VWA7: variants seen among roughly 807,000 people sequenced by gnomAD.
The protein encoded by VWA7 is von Willebrand factor A domain-containing protein 7.
In VWA7, 66 loss-of-function variants were observed where a neutral mutation model predicts 83.1. The ratio of observed to expected loss-of-function variants is 0.79; its 90% CI spans 0.65 to 0.98. The LOEUF (loss-of-function observed/expected upper bound fraction) is 0.98, where lower values mean the gene tolerates loss of function less well. Among genes scored for constraint, VWA7 ranks in the 50% least tolerant of loss-of-function variants. VWA7 has a pLI of 0.00. For missense variants in VWA7, 1,080 were observed against 1,160.2 expected, an observed-to-expected ratio of 0.93 and a Z score of 1.00; for synonymous variants, 424 against 488.5, an observed-to-expected ratio of 0.87 and a Z score of 1.74.
chr6:31,772,472 C>A (rs1812268041), intron 7 of VWA7, among the ~76,000 whole-genome samples: 1 of 151,614 alleles, frequency 6.6e-6, no homozygotes, highest in Non-Finnish European at 1.5e-5. Flanking sequence ...TTTCTGTATG[C>A]ACACAGTAGA....
intron 7 of VWA7, among the ~76,000 whole-genome samples, chr6:31,772,491 C>G (rs967892609): frequency 4.0e-5 from 6 of 150,236 alleles, no homozygotes. Flanking sequence ...GAGGCTCACT[C>G]GGGACTACAG....
chr6:31,774,755 G>T, intron 4 of VWA7, 129 bp from the exon 5 acceptor site: 2 of 712,476 alleles, frequency 2.8e-6, no homozygotes, highest in Non-Finnish European at 4.5e-6. Context: ...CCCTAGCAAA[G>T]CTTTCTGAAC....
chr6:31,766,560 C>T lies in VWA7; in HGVS notation c.2087G>A (p.Arg696Lys), dbSNP rs1430359880. The change falls in exon 14 of 17, where the codon AGA becomes AAA. Residue 696 changes from arginine (R) to lysine (K), a missense_variant. Arg to Lys is a conservative substitution (Grantham distance 26, BLOSUM62 2). Coordinates refer to ENST00000375688, the MANE Select transcript of VWA7 (RefSeq NM_025258.3). The surrounding 1 kb of genome is among the most constrained non-coding windows in gnomAD (Gnocchi z 4.9). ...GCCAATCAGCTCCAGGGAGAAGGGTCTAGGGGTGGACAGCAGCGTGGGCGA... is the reference window on the plus strand; with the variant it reads ...GCCAATCAGCTCCAGGGAGAAGGGTTTAGGGGTGGACAGCAGCGTGGGCGA... ...SLSPTLLSTP[R>K]PFSLELIGQD... 6.2e-7 allele frequency: 1 copy of T among 1,612,902 alleles called. No individual in the cohort carries two copies. Among genetic ancestry groups the T allele is most frequent in the Admixed American group, 1.7e-5 (1 of 60,006 alleles).
chr6:31,765,643 C>G lies in VWA7; in HGVS notation c.2627G>C (p.Trp876Ser). The G allele has an allele frequency of 6.2e-7, 1 of 1,610,158 alleles. No individual in the cohort carries two copies. Reference protein sequence around the residue: ...GAGLAAGSPWWGTVGGVLLLL... With the variant: ...GAGLAAGSPWSGTVGGVLLLL... ...AAGCAGCACCCCTCCAACTGTGCCCCACCAGGGGCTGCCCGCAGCCAGCCC... is the reference window on the plus strand; with the variant it reads ...AAGCAGCACCCCTCCAACTGTGCCCGACCAGGGGCTGCCCGCAGCCAGCCC... Residue 876 changes from tryptophan (W) to serine (S), a missense_variant, in exon 17 of 17, where the codon TGG becomes TCG. Physicochemically the swap from Trp to Ser is radical, Grantham distance 177. Coordinates refer to ENST00000375688, the MANE Select transcript of VWA7 (RefSeq NM_025258.3).
chr6:31,769,768 T>C lies in VWA7; in HGVS notation c.1224A>G (p.Pro408=). Residue 408 remains proline (P), a synonymous_variant, in exon 9 of 17, where the codon CCA becomes CCG. Transcript: ENST00000375688. This position sits in a 1 kb window ranked among gnomAD's most constrained non-coding sequence, Gnocchi z 4.5. ...ALQLALLHTP[P]LSDIFVFTDA... ...CCGTGAAGACAAAGATATCTGAGAGTGGAGGTGTGTGCAGCAGGGCCAGCT... is the reference window on the plus strand; with the variant it reads ...CCGTGAAGACAAAGATATCTGAGAGCGGAGGTGTGTGCAGCAGGGCCAGCT... 1 of 1,612,568 alleles carries C rather than the reference T, an allele frequency of 6.2e-7. No individual in the cohort carries two copies. Among genetic ancestry groups the C allele is most frequent in the Non-Finnish European group, 8.5e-7 (1 of 1,179,920 alleles).
chr6:31,769,180 A>G lies in VWA7; in HGVS notation c.1341T>C (p.Asp447=). 6.2e-7 allele frequency: 1 copy of G among 1,612,502 alleles called. No homozygotes were observed. Among genetic ancestry groups the G allele is most frequent in the Non-Finnish European group, 8.5e-7 (1 of 1,179,676 alleles). ...GAGCTCGACCCTGAACCCTTGATGT[A>G]TCTTCAGTCACCAGGAATGTTACCT... ...RCRVTFLVTE[D]TSRVQGRARR... is the part of the protein sequence containing the mutation. Residue 447 remains aspartate, a synonymous_variant, in exon 10 of 17, where the codon GAT becomes GAC. Transcript: ENST00000375688. The surrounding 1 kb of genome is among the most constrained non-coding windows in gnomAD (Gnocchi z 4.5).
chr6:31,772,331 T>G (rs1198476862), intron 7 of VWA7, among the ~76,000 whole-genome samples: 1 of 151,870 alleles, frequency 6.6e-6, no homozygotes, highest in Non-Finnish European at 1.5e-5. Context: ...TTAATTTTTT[T>G]GTAGAGACCT....
chr6:31,767,426 A>AG lies in VWA7; in HGVS notation c.1724dup (p.Pro576SerfsTer13). Reference sequence around the variant, plus strand: ...GGATCTCCCAGGTTCCTGTCTGTGGAGGGTCATCCATGGTCACCATCCAGA... The same window carrying AG: ...GGATCTCCCAGGTTCCTGTCTGTGGAGGGGTCATCCATGGTCACCATCCAGA... On this transcript the variant is annotated frameshift_variant, in exon 12 of 17. Transcript: ENST00000375688. LOFTEE classifies it high-confidence loss of function. 1 of 1,612,990 alleles carries AG rather than the reference A, an allele frequency of 6.2e-7. No individual in the cohort carries two copies. The highest frequency in any genetic ancestry group is 8.5e-7 in the Non-Finnish European group (1 of 1,179,940).
Position 31,766,072 on chromosome 6 carries a change from T to C in VWA7, c.2325-15A>G, listed in dbSNP as rs761408225. On this transcript the variant is annotated splice_polypyrimidine_tract_variant and intron_variant, in intron 15 of 16. Transcript: ENST00000375688. This position sits in a 1 kb window ranked among gnomAD's most constrained non-coding sequence, Gnocchi z 4.9. ...CCAGGTGAGCCCTGGAGAGAGGATATAGGCGTCGCTAAAGCTCCAGGCTGC... is the reference window on the plus strand; with the variant it reads ...CCAGGTGAGCCCTGGAGAGAGGATACAGGCGTCGCTAAAGCTCCAGGCTGC... 3 of 1,612,512 alleles carry C rather than the reference T, an allele frequency of 1.9e-6. No individual in the cohort carries two copies. The highest frequency in any genetic ancestry group is 2.5e-6 in the Non-Finnish European group (3 of 1,179,774).
rs34038095 is a variant in VWA7, at chr6:31,773,779, G to A, written c.722-342C>T. Among the ~76,000 whole-genome samples the A allele has an allele frequency of 8.6e-3, 1,307 of 152,218 alleles. 7 individuals are homozygous for A. The highest frequency in any genetic ancestry group is 0.035 in the South Asian group (168 of 4,818). ...GGAAAATAGCTTGATCCCAAGAGGC[G>A]GAGGTTGCAGTGAACCGAGATCACG... On this transcript the variant is annotated intron_variant, in intron 5 of 16. Transcript: ENST00000375688. The surrounding 1 kb of genome is among the most constrained non-coding windows in gnomAD (Gnocchi z 5.3).
rs774805049 is a variant in VWA7, at chr6:31,766,643, G to A, written c.2004C>T (p.Gly668=). The A allele has an allele frequency of 4.0e-5, 65 of 1,612,962 alleles. No homozygotes were observed. In the South Asian group the frequency reaches 5.5e-4, roughly 14 times the overall value. Residue 668 remains glycine (G), a synonymous_variant, in exon 14 of 17, where the codon GGC becomes GGT. Coordinates refer to ENST00000375688, the MANE Select transcript of VWA7 (RefSeq NM_025258.3). The surrounding 1 kb of genome is among the most constrained non-coding windows in gnomAD (Gnocchi z 4.9). ...LRGVPEGAEL[G]QVPLEPVGPP... ...GTCCCACGGGCTCCAAGGGCACCTG[G>A]CCTAGTTCGGCACCCTCTGGGACCC...
Position 31,769,977 on chromosome 6 carries a change from C to T in VWA7, c.1200+24G>A, listed in dbSNP as rs560108541. The stretch of plus-strand genomic sequence containing the variant: ...TCCCCCTGGTGGTGGGGCCAGGAAA[C>T]GGGGAAGAAGGGAGGGGCCAGACCT... On this transcript the variant is annotated intron_variant, in intron 8 of 16. Transcript: ENST00000375688. The surrounding 1 kb of genome is among the most constrained non-coding windows in gnomAD (Gnocchi z 4.5). The T allele has an allele frequency of 1.9e-5, 31 of 1,609,140 alleles. No individual in the cohort carries two copies. In the East Asian group the frequency reaches 5.8e-4, roughly 30 times the overall value.
chr6:31,770,955 T>C (rs1408860877), intron 7 of VWA7, among the ~76,000 whole-genome samples: 1 of 150,070 alleles, frequency 6.7e-6, no homozygotes, highest in Non-Finnish European at 1.5e-5. Flanking sequence ...TGAGGCATGA[T>C]TGTACCATTG....
chr6:31,772,799 A>C (rs1004580709), intron 7 of VWA7, among the ~76,000 whole-genome samples, 155 bp downstream of exon 7: 1 of 150,288 alleles, frequency 6.7e-6, no homozygotes, highest in Non-Finnish European at 1.5e-5. Context: ...GGGTTTCTCC[A>C]TATTAGTCAG....
At chr6:31,767,589 G>C (rs139222964) in intron 11 of VWA7, 33 bp downstream of exon 11, 9 of 1,600,702 alleles carry the variant, frequency 5.6e-6, no homozygotes, top group South Asian at 4.4e-5. Flanking sequence ...TCTATTCCCC[G>C]GTCCCCTCTC....
chr6:31,772,515 G>A (rs1425493993), intron 7 of VWA7, among the ~76,000 whole-genome samples: 2 of 148,986 alleles, frequency 1.3e-5, no homozygotes, highest in Admixed American at 6.7e-5. Context: ...GTGCCACCCC[G>A]AGCCCACTTC....
intron 5 of VWA7, among the ~76,000 whole-genome samples, chr6:31,774,228 C>T (rs1194493693): frequency 6.6e-6 from 1 of 150,858 alleles, no homozygotes; most frequent in Non-Finnish European, 1.5e-5. Context: ...AATCTTAGGG[C>T]GTGGTGGTCA....
rs924999991 is a variant in VWA7 at position 31,773,653 on chromosome 6, C to T, written c.722-216G>A. Among the ~76,000 whole-genome samples the T allele has an allele frequency of 6.6e-6, 1 of 152,144 alleles. No individual in the cohort carries two copies. Among genetic ancestry groups the T allele is most frequent in the Non-Finnish European group, 1.5e-5 (1 of 68,034 alleles). ...TCTGAGATCAGGAGTTCAAGACCAG[C>T]CTGGCCAACATGGTGAAGCTCTGTT... On this transcript the variant is annotated intron_variant, in intron 5 of 16. Coordinates refer to ENST00000375688, the MANE Select transcript of VWA7 (RefSeq NM_025258.3). This position sits in a 1 kb window ranked among gnomAD's most constrained non-coding sequence, Gnocchi z 5.3.
In VWA7 at chr6:31,769,813, A is replaced by G; in HGVS notation, c.1201-22T>C. On this transcript the variant is annotated intron_variant, in intron 8 of 16. Coordinates refer to ENST00000375688, the MANE Select transcript of VWA7 (RefSeq NM_025258.3). This position sits in a 1 kb window ranked among gnomAD's most constrained non-coding sequence, Gnocchi z 4.5. Reference sequence around the variant, plus strand: ...CCAGCTGGCAGGGAAGGCAACGACCAGTGTTAACAATGGCAGTAGGAGGGG... The same window carrying G: ...CCAGCTGGCAGGGAAGGCAACGACCGGTGTTAACAATGGCAGTAGGAGGGG... 1.2e-6 allele frequency: 2 copies of G among 1,604,884 alleles called. No individual in the cohort carries two copies. Among genetic ancestry groups the G allele is most frequent in the South Asian group, 2.2e-5 (2 of 90,908 alleles).
Sources: allele counts gnomAD v4.1 joint callset (sites outside exome capture counted in the v4.1 genomes callset), GRCh38; gene constraint gnomAD v4.1.1; non-coding constraint Gnocchi (gnomAD v3.1); transcripts MANE v1.5; gene names NCBI Gene and HGNC (gene_info 2026-07-23, HGNC 2026-07-21).